HS6ST3: variants seen among roughly 807,000 people sequenced by gnomAD.
The protein encoded by HS6ST3 is heparan-sulfate 6-O-sulfotransferase 3.
A neutral mutation model predicts 36.7 loss-of-function variants in HS6ST3; 12 were observed. That is an observed-to-expected ratio of 0.33 (90% CI 0.21 to 0.53). The LOEUF is 0.53. HS6ST3 is among the 20% of genes least tolerant of loss of function. The pLI is 0.95. For missense variants in HS6ST3, 584 were observed against 640.9 expected (o/e 0.91, Z 0.96); for synonymous variants, 240 against 257.5 (o/e 0.93, Z 0.65).
intron 1 of HS6ST3, among the ~76,000 whole-genome samples, chr13:96,309,613 A>G (rs1388247166): frequency 1.3e-5 from 2 of 152,178 alleles, no homozygotes; most frequent in Non-Finnish European, 2.9e-5. Context: ...AGAGAGAGAG[A>G]ATCAAAGCTT....
chr13:96,400,513 G>T (rs1352722308), intron 1 of HS6ST3, among the ~76,000 whole-genome samples: 1 of 152,132 alleles, frequency 6.6e-6, no homozygotes, highest in Non-Finnish European at 1.5e-5. Flanking sequence ...AGTGGTAATG[G>T]ATATAATTAG....
At chr13:96,423,055 T>C (rs2055569235) in intron 1 of HS6ST3, among the ~76,000 whole-genome samples, 1 of 151,954 alleles carries the variant, frequency 6.6e-6, no homozygotes, top group African/African-American at 2.4e-5. Flanking sequence ...ATACAAAGCC[T>C]TTTTTTTCTT....
In HS6ST3 at chr13:96,351,335, T is replaced by TTTTTTTTTTTTTTTTAAAA. The variant is rs1203595829; in HGVS notation, c.707+259766_707+259767insTTTTTTTTTTTTTTTAAAA. On this transcript the variant is annotated intron_variant, in intron 1 of 1. Transcript: ENST00000376705. Reference sequence around the variant, plus strand: ...AGGTGGCAGTCTTTTTTTTTTTTTTTAAAAAAAACAAGGTCTTGCTGGGTT... The same window carrying TTTTTTTTTTTTTTTTAAAA: ...AGGTGGCAGTCTTTTTTTTTTTTTTTTTTTTTTTTTTTTTTAAAAAAAAAAAACAAGGTCTTGCTGGGTT... Among the ~76,000 whole-genome samples, 982 of 146,004 alleles carry TTTTTTTTTTTTTTTTAAAA rather than the reference T, an allele frequency of 6.7e-3. 29 individuals are homozygous for TTTTTTTTTTTTTTTTAAAA. The highest frequency in any genetic ancestry group is 0.025 in the African/African-American group (948 of 38,242).
chr13:96,469,302 C>CA (rs1555306741), intron 1 of HS6ST3, among the ~76,000 whole-genome samples: 3 of 146,540 alleles, frequency 2.0e-5, no homozygotes, highest in Non-Finnish European at 4.5e-5. Context: ...CCTCCCCCAA[C>CA]TTTTTTTTTT....
At chr13:96,141,355 C>T (rs640357) in intron 1 of HS6ST3, among the ~76,000 whole-genome samples, 127,171 of 150,048 alleles carry the variant, frequency 0.85, 54,154 homozygotes, top group East Asian at 0.91. Flanking sequence ...CTTTTTTTTT[C>T]TCTTTTAAGA....
At chr13:96,414,033 A>T (rs981240440) in intron 1 of HS6ST3, among the ~76,000 whole-genome samples, 1 of 152,228 alleles carries the variant, frequency 6.6e-6, no homozygotes, top group Non-Finnish European at 1.5e-5. Flanking sequence ...CAGAAATGAC[A>T]AAGTCAAAAA....
At chr13:96,102,713 A>T (rs2053823826) in intron 1 of HS6ST3, among the ~76,000 whole-genome samples, 1 of 152,218 alleles carries the variant, frequency 6.6e-6, no homozygotes, top group African/African-American at 2.4e-5. Flanking sequence ...ACACCTATTG[A>T]TCGGCAACAA....
chr13:96,606,154 C>A (rs2056437995), intron 1 of HS6ST3, among the ~76,000 whole-genome samples: 1 of 152,158 alleles, frequency 6.6e-6, no homozygotes, highest in African/African-American at 2.4e-5. Context: ...CTGTGGAAAG[C>A]AGTTTGGAGA....
At chr13:96,825,575 C>T (rs1322482712) in intron 1 of HS6ST3, among the ~76,000 whole-genome samples, 3 of 152,108 alleles carry the variant, frequency 2.0e-5, no homozygotes, top group African/African-American at 7.2e-5. Context: ...TGCTGAATGT[C>T]TCCTGTGATC....
intron 1 of HS6ST3, among the ~76,000 whole-genome samples, chr13:96,740,786 C>T (rs962183482): frequency 1.3e-5 from 2 of 152,080 alleles, no homozygotes; most frequent in African/African-American, 4.8e-5. Flanking sequence ...GTGCTTCAGC[C>T]ACAAGAACAA....
At chr13:96,498,095 C>T (rs1231955166) in intron 1 of HS6ST3, among the ~76,000 whole-genome samples, 1 of 152,142 alleles carries the variant, frequency 6.6e-6, no homozygotes, top group Non-Finnish European at 1.5e-5. Flanking sequence ...TTTCAGTGGG[C>T]TTGAAGAACA....
chr13:96,798,129 G>A (rs941512036), intron 1 of HS6ST3, among the ~76,000 whole-genome samples: 1 of 151,972 alleles, frequency 6.6e-6, no homozygotes, highest in African/African-American at 2.4e-5. Context: ...TATTATGACG[G>A]ATATAAACAA....
chr13:96,425,992 T>G (rs2139471228), intron 1 of HS6ST3, among the ~76,000 whole-genome samples: 1 of 151,194 alleles, frequency 6.6e-6, no homozygotes. Context: ...GAAAAACAAG[T>G]CAGTGCCCCC....
At chr13:96,542,612 C>G (rs532374216) in intron 1 of HS6ST3, among the ~76,000 whole-genome samples, 1 of 152,232 alleles carries the variant, frequency 6.6e-6, no homozygotes, top group East Asian at 1.9e-4. Context: ...CCACAGCCCC[C>G]TATATTTGTT....
chr13:96,773,700 C>G (rs1016704642), intron 1 of HS6ST3, among the ~76,000 whole-genome samples: 1 of 152,174 alleles, frequency 6.6e-6, no homozygotes, highest in Admixed American at 6.5e-5. Flanking sequence ...GATAAAACTC[C>G]CACCTCCCTG....
At position 96,532,145 on chromosome 13, in the gene HS6ST3, A is replaced by G. The variant is rs564859513; in HGVS notation, c.708-300345A>G. 4.6e-5 allele frequency among the ~76,000 whole-genome samples: 7 copies of G among 152,312 alleles called. No individual in the cohort carries two copies. The East Asian group carries it at 9.6e-4, about 21-fold the overall frequency. ...TGCTGTCACCCTTTCCTGGGAAGCT[A>G]GGAAAGACTGTATCAGGAAGACTGA... is the stretch of plus-strand genomic sequence containing the variant. On this transcript the variant is annotated intron_variant, in intron 1 of 1. Coordinates refer to ENST00000376705, the MANE Select transcript of HS6ST3 (RefSeq NM_153456.4).
At chr13:96,816,333 C>T (rs539173404) in intron 1 of HS6ST3, among the ~76,000 whole-genome samples, 1 of 152,248 alleles carries the variant, frequency 6.6e-6, no homozygotes, top group South Asian at 2.1e-4. Flanking sequence ...CTTGAGGGTA[C>T]CAGTGACTCT....
intron 1 of HS6ST3, among the ~76,000 whole-genome samples, chr13:96,123,615 C>A (rs189579288): frequency 1.8e-4 from 27 of 152,292 alleles, no homozygotes; most frequent in African/African-American, 6.5e-4. Context: ...TAAGAATTTT[C>A]TCAACTGGTT....
intron 1 of HS6ST3, among the ~76,000 whole-genome samples, chr13:96,195,873 A>G (rs1372634595): frequency 2.0e-5 from 3 of 152,164 alleles, no homozygotes; most frequent in Non-Finnish European, 4.4e-5. Context: ...GAGTAAATGA[A>G]ATAAAGCACC....
Sources: allele counts gnomAD v4.1 joint callset (sites outside exome capture counted in the v4.1 genomes callset), GRCh38; gene constraint gnomAD v4.1.1; transcripts MANE v1.5; gene names NCBI Gene and HGNC (gene_info 2026-07-23, HGNC 2026-07-21).